Variants in HAUS1 observed in about 807,000 individuals in gnomAD.
HAUS1 encodes the protein HAUS augmin like complex subunit 1.
A neutral mutation model predicts 38.6 loss-of-function variants in HAUS1; 25 were observed. The observed-to-expected ratio is 0.65, with a 90% CI of 0.47 to 0.91. HAUS1 has a LOEUF of 0.91. HAUS1 is among the 40% of genes least tolerant of loss of function. The pLI is 0.00. For synonymous variants in HAUS1, 109 were observed against 112.9 expected (o/e 0.97, Z 0.22); for missense variants, 325 against 328.4 (o/e 0.99, Z 0.08).
At chr18:46,104,735 G>T (rs540146965) in intron 1 of HAUS1, among the ~76,000 whole-genome samples, 1 of 151,770 alleles carries the variant, frequency 6.6e-6, no homozygotes, top group African/African-American at 2.4e-5. Flanking sequence ...CCGCCTTCCG[G>T]TTCGCTGCTC....
chr18:46,122,569 A>G lies in HAUS1; in HGVS notation c.579A>G (p.Arg193=). The G allele has an allele frequency of 6.2e-7, 1 of 1,614,192 alleles. No individual in the cohort carries two copies. The highest frequency in any genetic ancestry group is 8.5e-7 in the Non-Finnish European group (1 of 1,180,012). Residue 193 remains arginine, a synonymous_variant, in exon 5 of 9, where the codon AGA becomes AGG. Coordinates refer to ENST00000282058, the MANE Select transcript of HAUS1 (RefSeq NM_138443.4). ...DFLKAKSEEF[R]FGIKAAEEQL... ...TAAAAGCAAAGTCAGAGGAATTCAGATTTGGAATCAAGGCTGCAGAGGTTT... is the reference window on the plus strand; with the variant it reads ...TAAAAGCAAAGTCAGAGGAATTCAGGTTTGGAATCAAGGCTGCAGAGGTTT...
At chr18:46,109,640 G>T (rs1258184170) in intron 2 of HAUS1, 2 of 148,190 alleles carry the variant, frequency 1.3e-5, no homozygotes, top group Non-Finnish European at 3.0e-5. Context: ...TTTTCCTCCC[G>T]AGACAGAGTC....
intron 8 of HAUS1, 137 bp downstream of exon 8, chr18:46,125,928 T>G: frequency 1.6e-6 from 1 of 628,882 alleles, no homozygotes; most frequent in Non-Finnish European, 2.8e-6. Flanking sequence ...ATCATTCTCC[T>G]GCATCTTTTA....
chr18:46,113,422 G>C (rs1365215617), intron 2 of HAUS1, among the ~76,000 whole-genome samples: 1 of 151,940 alleles, frequency 6.6e-6, no homozygotes, highest in Non-Finnish European at 1.5e-5. Context: ...TCTTTCTTCT[G>C]CCGCTGCAAA....
intron 2 of HAUS1, chr18:46,109,797 T>A (rs2144246908): frequency 6.6e-6 from 1 of 152,184 alleles, no homozygotes; most frequent in Non-Finnish European, 1.5e-5. Context: ...AATTTTTGTA[T>A]TCCTAGTAGA....
chr18:46,106,669 T>G (rs1172908225), intron 2 of HAUS1: 1 of 152,202 alleles, frequency 6.6e-6, no homozygotes, highest in Non-Finnish European at 1.5e-5. Flanking sequence ...TAGTGCAGTT[T>G]ATATTTGATT....
chr18:46,112,322 TATA>T (rs1395656171), intron 2 of HAUS1, among the ~76,000 whole-genome samples: 1 of 134,876 alleles, frequency 7.4e-6, no homozygotes, highest in East Asian at 2.1e-4. Flanking sequence ...ATATAATATA[TATA>T]ATGTGTATAT....
At chr18:46,127,800 T>A (rs558532720) in intron 8 of HAUS1, among the ~76,000 whole-genome samples, 64 of 152,198 alleles carry the variant, frequency 4.2e-4, no homozygotes, top group African/African-American at 1.4e-3. Context: ...AATTTATTCA[T>A]ATGTCGTTAC....
intron 2 of HAUS1, among the ~76,000 whole-genome samples, chr18:46,117,340 A>G (rs749024770): frequency 6.6e-6 from 1 of 152,246 alleles, no homozygotes; most frequent in South Asian, 2.1e-4. Context: ...ATAATGGAAT[A>G]TTATTCAGCC....
At chr18:46,106,272 C>A (rs1449356209) in intron 2 of HAUS1, among the ~76,000 whole-genome samples, 1 of 151,794 alleles carries the variant, frequency 6.6e-6, no homozygotes, top group Non-Finnish European at 1.5e-5. Flanking sequence ...AGATCAAGAC[C>A]ATCCTGGCTA....
At chr18:46,109,424 T>A (rs1911561856) in intron 2 of HAUS1, among the ~76,000 whole-genome samples, 1 of 152,190 alleles carries the variant, frequency 6.6e-6, no homozygotes, top group Non-Finnish European at 1.5e-5. Flanking sequence ...TTTGTGAATT[T>A]CCTAAATTTC....
chr18:46,125,835 A>G (rs745996235), intron 8 of HAUS1, 44 bp downstream of exon 8: 2 of 1,191,506 alleles, frequency 1.7e-6, no homozygotes. Flanking sequence ...TAAAAAGAAA[A>G]TAAATGCTAA....
Position 46,128,193 on chromosome 18 carries a change from C to A in HAUS1, c.*68C>A. 2.2e-6 allele frequency: 2 copies of A among 920,410 alleles called. No individual in the cohort carries two copies. Among genetic ancestry groups the A allele is most frequent in the South Asian group, 3.6e-5 (2 of 55,442 alleles). The allele number at this position is 920,410 out of a possible 1,614,324, so 57.0% of individuals were successfully genotyped here. ...AATAGGACTTTACAGAGTTCTTTTTCCTCTTGGCATTTCCTAATAACAAAA... is the reference window on the plus strand; with the variant it reads ...AATAGGACTTTACAGAGTTCTTTTTACTCTTGGCATTTCCTAATAACAAAA... On this transcript the variant is annotated 3_prime_UTR_variant, in exon 9 of 9. Transcript: ENST00000282058.
chr18:46,107,353 C>T (rs1325285729), intron 2 of HAUS1, among the ~76,000 whole-genome samples: 2 of 152,036 alleles, frequency 1.3e-5, no homozygotes, highest in Admixed American at 1.3e-4. Context: ...TATACTGTAA[C>T]CAAAAATCTA....
At chr18:46,119,640 G>GT (rs1012421561) in intron 3 of HAUS1, among the ~76,000 whole-genome samples, 14 of 152,146 alleles carry the variant, frequency 9.2e-5, no homozygotes, top group African/African-American at 3.1e-4. Context: ...TGTGACAGCT[G>GT]TAACAGTAAA....
rs981797498 is a variant in HAUS1, at chr18:46,114,635, T to C, written c.206-3546T>C. Among the ~76,000 whole-genome samples the C allele has an allele frequency of 1.9e-4, 29 of 152,124 alleles. 1 individual carries two copies. The highest frequency in any genetic ancestry group is 5.9e-5 in the Non-Finnish European group (4 of 68,022). On this transcript the variant is annotated intron_variant, in intron 2 of 8. Transcript: ENST00000282058. ...CCTCTCAACCACATCCCGCTGGGAC[T>C]TGGACGCAGTAGCAGATAGCTAGTG...
chr18:46,111,079 T>C (rs1289238072), intron 2 of HAUS1, among the ~76,000 whole-genome samples: 1 of 151,916 alleles, frequency 6.6e-6, no homozygotes, highest in African/African-American at 2.4e-5. Flanking sequence ...GGTTTCTCCG[T>C]GTTAGCCAGA....
At chr18:46,119,777 AAT>A (rs1911887455) in intron 3 of HAUS1, 147 bp from the exon 4 acceptor site, 6 of 584,302 alleles carry the variant, frequency 1.0e-5, no homozygotes, top group Admixed American at 3.8e-5. Flanking sequence ...CATTCCAGGC[AAT>A]GGGAACAGTG....
intron 2 of HAUS1, among the ~76,000 whole-genome samples, chr18:46,107,181 C>T (rs550318673): frequency 3.3e-5 from 5 of 152,208 alleles, no homozygotes; most frequent in Non-Finnish European, 1.5e-5. Context: ...AAAACCTCCC[C>T]TGTGCCACTC....
Sources: allele counts gnomAD v4.1 joint callset (sites outside exome capture counted in the v4.1 genomes callset), GRCh38; gene constraint gnomAD v4.1.1; transcripts MANE v1.5; gene names NCBI Gene and HGNC (gene_info 2026-07-23, HGNC 2026-07-21).